LUZP2: variants seen among roughly 807,000 people sequenced by gnomAD.
LUZP2 encodes leucine zipper protein 2.
A neutral mutation model predicts 51.6 loss-of-function variants in LUZP2; 52 were observed. The observed-to-expected ratio is 1.01, with a 90% CI of 0.81 to 1.27. LUZP2 has a LOEUF of 1.27. LUZP2 is among the 50% of genes most tolerant of loss of function. The probability of loss-of-function intolerance (pLI) is 0.00; values close to 1 mark genes in which losing one functional copy is unlikely to be tolerated. For synonymous variants in LUZP2, 154 were observed against 137.3 expected, an observed-to-expected ratio of 1.12 and a Z score of -0.85; for missense variants, 436 against 395.4, an observed-to-expected ratio of 1.10 and a Z score of -0.87.
At chr11:24,669,981 C>T (rs1043435984) in intron 1 of LUZP2, among the ~76,000 whole-genome samples, 2 of 151,906 alleles carry the variant, frequency 1.3e-5, no homozygotes, top group Non-Finnish European at 2.9e-5. Flanking sequence ...GTATGTTTAT[C>T]TGGCTACATT....
Position 24,593,179 on chromosome 11 carries a change from C to T in LUZP2, c.62+95874C>T, listed in dbSNP as rs371386980. Among the ~76,000 whole-genome samples the T allele has an allele frequency of 1.6e-4, 25 of 152,164 alleles. No individual in the cohort carries two copies. In the South Asian group the frequency reaches 4.0e-3, roughly 24 times the overall value. On this transcript the variant is annotated intron_variant, in intron 1 of 11. Coordinates refer to ENST00000336930, the MANE Select transcript of LUZP2 (RefSeq NM_001009909.4). ...AGTAAAAATCAACTTTCCTCTGCTC[C>T]GAACTCCCTAGCGCTGTATTTCCAT...
chr11:24,587,136 G>T (rs188906540), intron 1 of LUZP2, among the ~76,000 whole-genome samples: 1 of 152,184 alleles, frequency 6.6e-6, no homozygotes, highest in East Asian at 1.9e-4. Context: ...TGTGTACCTT[G>T]TAATCCAATT....
At chr11:24,984,394 T>C (rs1054608019) in intron 9 of LUZP2, among the ~76,000 whole-genome samples, 1 of 150,906 alleles carries the variant, frequency 6.6e-6, no homozygotes, top group Non-Finnish European at 1.5e-5. Context: ...AGTCAACTTA[T>C]GAACTACAAA....
intron 5 of LUZP2, among the ~76,000 whole-genome samples, chr11:24,904,049 A>C (rs1484673732): frequency 6.6e-6 from 1 of 152,116 alleles, no homozygotes; most frequent in African/African-American, 2.4e-5. Context: ...AGACACTTCC[A>C]TACTGTTTTC....
At chr11:24,520,719 TA>T (rs1204095654) in intron 1 of LUZP2, among the ~76,000 whole-genome samples, 1 of 152,196 alleles carries the variant, frequency 6.6e-6, no homozygotes, top group African/African-American at 2.4e-5. Context: ...TAGGAAACCT[TA>T]ATGGTACATT....
At chr11:24,683,371 G>T (rs1856805914) in intron 1 of LUZP2, among the ~76,000 whole-genome samples, 1 of 152,080 alleles carries the variant, frequency 6.6e-6, no homozygotes, top group Non-Finnish European at 1.5e-5. Context: ...GATTTAGGGG[G>T]CTTCTTTATT....
At chr11:24,730,138 A>AGTGGTGGTG (rs1217951516) in intron 2 of LUZP2, among the ~76,000 whole-genome samples, 1 of 150,880 alleles carries the variant, frequency 6.6e-6, no homozygotes, top group East Asian at 2.0e-4. Context: ...TGATGGTGGT[A>AGTGGTGGTG]GTGGTGGTGG....
At position 24,926,235 on chromosome 11, in the gene LUZP2, A is replaced by G. The variant is rs181458214; in HGVS notation, c.522+11697A>G. Reference sequence around the variant, plus strand: ...TATATATATATACGTGTATATATATATGTGTGTGTATATATATACGTGTGT... The same window carrying G: ...TATATATATATACGTGTATATATATGTGTGTGTGTATATATATACGTGTGT... On this transcript the variant is annotated intron_variant, in intron 7 of 11. Transcript: ENST00000336930. Among the ~76,000 whole-genome samples the G allele has an allele frequency of 7.1e-3, 1,038 of 145,842 alleles. 16 individuals carry two copies. Among genetic ancestry groups the G allele is most frequent in the South Asian group, 0.03 (139 of 4,558 alleles).
intron 8 of LUZP2, among the ~76,000 whole-genome samples, chr11:24,979,429 T>C (rs1225658908): frequency 6.6e-6 from 1 of 151,790 alleles, no homozygotes; most frequent in Non-Finnish European, 1.5e-5. Flanking sequence ...TTTTCCCCTC[T>C]CTCCATCATC....
intron 6 of LUZP2, among the ~76,000 whole-genome samples, chr11:24,906,709 A>G (rs1853466911): frequency 6.6e-6 from 1 of 152,178 alleles, no homozygotes; most frequent in Admixed American, 6.5e-5. Context: ...TTATGACTCA[A>G]GGAGAGGAGA....
intron 6 of LUZP2, among the ~76,000 whole-genome samples, chr11:24,910,861 A>G (rs1432129480): frequency 6.6e-6 from 1 of 152,154 alleles, no homozygotes; most frequent in Non-Finnish European, 1.5e-5. Context: ...TCCACCGACA[A>G]CTTGCACCGT....
In LUZP2 at chr11:25,027,827, G is replaced by A. The variant is rs1857537436; in HGVS notation, c.766-22211G>A. On this transcript the variant is annotated intron_variant, in intron 9 of 11. Transcript: ENST00000336930. ...AGAGGTTGCAGTGAGCTGAGATCACGCCACTGCACTCCAGCCTGGGCGAAA... is the reference window on the plus strand; with the variant it reads ...AGAGGTTGCAGTGAGCTGAGATCACACCACTGCACTCCAGCCTGGGCGAAA... Among the ~76,000 whole-genome samples, 3 of 148,850 alleles carry A rather than the reference G, an allele frequency of 2.0e-5. No homozygotes were observed. In the South Asian group the frequency reaches 6.4e-4, roughly 32 times the overall value.
chr11:25,042,208 A>G (rs541894822), intron 9 of LUZP2, among the ~76,000 whole-genome samples: 30 of 137,280 alleles, frequency 2.2e-4, no homozygotes, highest in African/African-American at 4.0e-4. Context: ...CACTTATGTA[A>G]TATGCATGCT....
intron 6 of LUZP2, among the ~76,000 whole-genome samples, chr11:24,912,471 A>G (rs1250710606): frequency 6.6e-6 from 1 of 152,062 alleles, no homozygotes; most frequent in Non-Finnish European, 1.5e-5. Flanking sequence ...TTGTGCCATT[A>G]TAACACAGCT....
chr11:24,576,430 A>T (rs954709105), intron 1 of LUZP2, among the ~76,000 whole-genome samples: 1 of 151,386 alleles, frequency 6.6e-6, no homozygotes, highest in African/African-American at 2.4e-5. Flanking sequence ...AAAAAAAAAA[A>T]AAAAGGAAAA....
At position 24,926,469 on chromosome 11, in the gene LUZP2, GTA is replaced by G. The variant is rs1441192973; in HGVS notation, c.522+11937_522+11938del. Among the ~76,000 whole-genome samples the G allele has an allele frequency of 8.5e-3, 1,088 of 127,460 alleles. 18 individuals carry two copies. The highest frequency in any genetic ancestry group is 0.038 in the South Asian group (155 of 4,074). The allele number at this position is 127,460 out of a possible 152,430, so 83.6% of individuals were successfully genotyped here. ...TATATGTGTGTGTATATATATACGT[GTA>G]TATATGTGTGTGTATATATATGTGT... is the stretch of plus-strand genomic sequence containing the variant. On this transcript the variant is annotated intron_variant, in intron 7 of 11. Transcript: ENST00000336930.
intron 9 of LUZP2, among the ~76,000 whole-genome samples, chr11:24,986,886 G>A (rs993062769): frequency 2.0e-5 from 3 of 151,706 alleles, no homozygotes; most frequent in African/African-American, 4.8e-5. Flanking sequence ...TTAATACACA[G>A]TAATATGTTT....
chr11:24,973,363 A>AGTTGTT (rs200522358), intron 7 of LUZP2, among the ~76,000 whole-genome samples: 4 of 16,008 alleles, frequency 2.5e-4, no homozygotes, highest in African/African-American at 3.8e-4. Context: ...TATATTTATT[A>AGTTGTT]GTTTTTTTTT....
At chr11:24,809,024 C>A (rs1204658140) in intron 5 of LUZP2, among the ~76,000 whole-genome samples, 2 of 152,000 alleles carry the variant, frequency 1.3e-5, no homozygotes, top group African/African-American at 4.8e-5. Context: ...TTGGAAAACA[C>A]AGATTGTTAA....
Sources: allele counts gnomAD v4.1 joint callset (sites outside exome capture counted in the v4.1 genomes callset), GRCh38; gene constraint gnomAD v4.1.1; transcripts MANE v1.5; gene names NCBI Gene and HGNC (gene_info 2026-07-23, HGNC 2026-07-21).